The following UGT1A10 variants were observed in gnomAD, a reference collection of about 807,000 sequenced individuals.
UGT1A10 encodes the protein UDP glucuronosyltransferase family 1 member A10, also known as UDP-glucuronosyltransferase 1A10.
A neutral mutation model predicts 45.8 loss-of-function variants in UGT1A10; 49 were observed. That is an observed-to-expected ratio of 1.07 (90% CI 0.85 to 1.36). The LOEUF is 1.36. UGT1A10 is among the 40% of genes most tolerant of loss of function. UGT1A10 has a pLI of 0.00. For synonymous variants in UGT1A10, 284 were observed against 249.7 expected, an observed-to-expected ratio of 1.14 and a Z score of -1.29; for missense variants, 745 against 668.6, an observed-to-expected ratio of 1.11 and a Z score of -1.26.
intron 1 of UGT1A10, among the ~76,000 whole-genome samples, chr2:233,724,378 G>A (rs1437497782): frequency 1.4e-5 from 2 of 146,678 alleles, no homozygotes; most frequent in East Asian, 2.1e-4. Flanking sequence ...TGGCTGCCGG[G>A]CGGAGACGCT....
intron 1 of UGT1A10, among the ~76,000 whole-genome samples, chr2:233,687,583 T>TAAA (rs71398794): frequency 3.7e-5 from 4 of 107,450 alleles, no homozygotes; most frequent in African/African-American, 1.3e-4. Flanking sequence ...ACATTCTTTG[T>TAAA]AAAAAAAAAA....
chr2:233,682,757 G>A lies in UGT1A10; in HGVS notation c.855+45380G>A, dbSNP rs2074597285. ...GATGCCCAATATGATCTTCATTGGTGGTATCAACTGTCATCAGGGAAAGCC... is the reference window on the plus strand; with the variant it reads ...GATGCCCAATATGATCTTCATTGGTAGTATCAACTGTCATCAGGGAAAGCC... On this transcript the variant is annotated intron_variant, in intron 1 of 4. Coordinates refer to ENST00000344644, the MANE Select transcript of UGT1A10 (RefSeq NM_019075.4). 2.5e-6 allele frequency: 4 copies of A among 1,613,712 alleles called. No homozygotes were observed. Among genetic ancestry groups the A allele is most frequent in the Non-Finnish European group, 3.4e-6 (4 of 1,179,728 alleles).
At chr2:233,672,658 T>G (rs950679917) in intron 1 of UGT1A10, 1 of 1,613,752 alleles carries the variant, frequency 6.2e-7, no homozygotes, top group Non-Finnish European at 8.5e-7. Context: ...TGTTACGGAG[T>G]ATGATCTCTA....
chr2:233,766,101 A>G (rs1699049254), intron 1 of UGT1A10, among the ~76,000 whole-genome samples: 1 of 152,188 alleles, frequency 6.6e-6, no homozygotes, highest in South Asian at 2.1e-4. Context: ...GGCTTTCTGT[A>G]TCCTGGGGGC....
rs548313260 is a variant in UGT1A10, at chr2:233,691,460, G to A, written c.855+54083G>A. The A allele has an allele frequency of 1.4e-4, 137 of 985,760 alleles. 1 individual carries two copies. Among genetic ancestry groups the A allele is most frequent in the Admixed American group, 3.1e-4 (5 of 16,288 alleles). The allele number at this position is 985,760 out of a possible 1,614,324, so 61.1% of individuals were successfully genotyped here. The stretch of plus-strand genomic sequence containing the variant: ...GCTTCTTCTCCCTTCCTGGGCCCCA[G>A]AACACCTCCGGTGCCAAACTTGTGG... On this transcript the variant is annotated intron_variant, in intron 1 of 4. Coordinates refer to ENST00000344644, the MANE Select transcript of UGT1A10 (RefSeq NM_019075.4).
intron 1 of UGT1A10, chr2:233,648,850 G>A (rs1206847839): frequency 8.5e-7 from 1 of 1,182,542 alleles, no homozygotes; most frequent in Non-Finnish European, 1.2e-6. Context: ...TTTCAAAAAT[G>A]CCTTAAACAT....
chr2:233,660,520 A>G (rs1559328953), intron 1 of UGT1A10, among the ~76,000 whole-genome samples: 1 of 152,156 alleles, frequency 6.6e-6, no homozygotes, highest in Non-Finnish European at 1.5e-5. Flanking sequence ...GTTTGGAAAA[A>G]GTGTTTCTGT....
chr2:233,695,359 C>T (rs569384151), intron 1 of UGT1A10, among the ~76,000 whole-genome samples: 5 of 151,840 alleles, frequency 3.3e-5, no homozygotes, highest in Non-Finnish European at 5.9e-5. Context: ...CTCTTGACCT[C>T]GTGGTCCGCC....
chr2:233,682,573 G>A (rs779317114), intron 1 of UGT1A10: 1 of 1,613,908 alleles, frequency 6.2e-7, no homozygotes, highest in Non-Finnish European at 8.5e-7. Context: ...ACCACATCAT[G>A]CACTTGGAGG....
chr2:233,750,987 C>T lies in UGT1A10; in HGVS notation c.856-16047C>T, dbSNP rs140441181. 4.4e-3 allele frequency among the ~76,000 whole-genome samples: 664 copies of T among 151,836 alleles called. 16 individuals are homozygous for T. Among genetic ancestry groups the T allele is most frequent in the African/African-American group, 0.015 (615 of 41,178 alleles). On this transcript the variant is annotated intron_variant, in intron 1 of 4. Transcript: ENST00000344644. ...ACTGCCTAGTGGAGTTGTGAGAAGG[C>T]GGCCACCATCCTCCAGAATCCCAAA...
intron 1 of UGT1A10, chr2:233,754,687 C>T: frequency 2.1e-6 from 1 of 485,706 alleles, no homozygotes; most frequent in South Asian, 1.5e-5. Context: ...TCAACTATTT[C>T]AGTGGAAGTC....
intron 1 of UGT1A10, chr2:233,760,930 A>T: frequency 6.2e-7 from 1 of 1,614,176 alleles, no homozygotes; most frequent in East Asian, 2.2e-5. Context: ...GAACATGCTC[A>T]TTGCCTTTTC....
chr2:233,757,099 G>A (rs1433024919), intron 1 of UGT1A10, among the ~76,000 whole-genome samples: 3 of 151,280 alleles, frequency 2.0e-5, no homozygotes, highest in Non-Finnish European at 4.4e-5. Flanking sequence ...GCAGAGGGAG[G>A]GGGCAAGCAG....
chr2:233,685,092 A>G (rs543205229), intron 1 of UGT1A10, among the ~76,000 whole-genome samples: 21 of 152,302 alleles, frequency 1.4e-4, no homozygotes, highest in Admixed American at 2.6e-4. Context: ...AAGGTTTCCT[A>G]TAACAAAATC....
In UGT1A10 at chr2:233,767,120, G is replaced by A; in HGVS notation, c.942G>A (p.Lys314=). The A allele has an allele frequency of 1.2e-6, 2 of 1,614,156 alleles. No individual in the cohort carries two copies. The highest frequency in any genetic ancestry group is 1.7e-6 in the Non-Finnish European group (2 of 1,180,028). ...CAATGGTCTCAGAAATTCCAGAGAA[G>A]AAAGCTATGGCAATTGCTGATGCTT... ...LGSMVSEIPE[K]KAMAIADALG... The change falls in exon 2 of 5, where the codon AAG becomes AAA. Residue 314 remains lysine, a synonymous_variant. Transcript: ENST00000344644.
chr2:233,646,204 A>C (rs193026154), intron 1 of UGT1A10, among the ~76,000 whole-genome samples: 15 of 152,290 alleles, frequency 9.8e-5, no homozygotes, highest in African/African-American at 3.6e-4. Context: ...CCAAGTCCCT[A>C]GGCTGCACAC....
At chr2:233,748,415 T>A (rs1693936731) in intron 1 of UGT1A10, among the ~76,000 whole-genome samples, 1 of 151,852 alleles carries the variant, frequency 6.6e-6, no homozygotes, top group Non-Finnish European at 1.5e-5. Context: ...ACATTGAGAC[T>A]TGACCCATCT....
At position 233,772,593 on chromosome 2, in the gene UGT1A10, C is replaced by G; in HGVS notation, c.*34C>G. On this transcript the variant is annotated 3_prime_UTR_variant, in exon 5 of 5. Transcript: ENST00000344644. The stretch of plus-strand genomic sequence containing the variant: ...TGGGAAATAAGGTAAAATTTTGAAC[C>G]ATTCCCTAGTCATTTCCAAACTTGA... The G allele has an allele frequency of 6.3e-7, 1 of 1,598,604 alleles. No individual in the cohort carries two copies. The highest frequency in any genetic ancestry group is 8.5e-7 in the Non-Finnish European group (1 of 1,171,794).
chr2:233,771,755 C>T (rs1253888254), intron 4 of UGT1A10: 1 of 153,306 alleles, frequency 6.5e-6, no homozygotes, highest in South Asian at 2.1e-4. Flanking sequence ...TTTCTCCCTT[C>T]CTTCCTCCGT....
Sources: allele counts gnomAD v4.1 joint callset (sites outside exome capture counted in the v4.1 genomes callset), GRCh38; gene constraint gnomAD v4.1.1; transcripts MANE v1.5; gene names NCBI Gene and HGNC (gene_info 2026-07-23, HGNC 2026-07-21).